Variants in FRAS1 observed in about 807,000 individuals in gnomAD.
FRAS1 encodes the protein Fraser extracellular matrix complex subunit 1.
Under a neutral mutation model 435.2 loss-of-function variants are expected in FRAS1, and 290 were observed. The ratio of observed to expected loss-of-function variants is 0.67; its 90% confidence interval spans 0.61 to 0.73. The LOEUF (loss-of-function observed/expected upper bound fraction) is 0.73. FRAS1 is among the 30% of genes least tolerant of loss of function. FRAS1 has a pLI of 0.00. For missense variants in FRAS1, 4,860 were observed against 5,001.5 expected (o/e 0.97, Z 0.85); for synonymous variants, 1,800 against 1,851.0 (o/e 0.97, Z 0.71).
In FRAS1 at chr4:78,515,845, GC is replaced by G; in HGVS notation, c.10223del (p.Pro3408LeufsTer25). 6.2e-7 allele frequency: 1 copy of G among 1,614,036 alleles called. No homozygotes were observed. On this transcript the variant is annotated frameshift_variant, in exon 66 of 74. Transcript: ENST00000512123. LOFTEE classifies it high-confidence loss of function. ...TGGTCTATGATAGCACTGCCCTGGG[GC>G]CTGGCTACGATCGCCCCTTCCAGTT... is the stretch of plus-strand genomic sequence containing the variant. ...DVVYDSTALG[P>X]GYDRPFQFDP...
At chr4:78,099,757 T>A (rs938654988) in intron 2 of FRAS1, among the ~76,000 whole-genome samples, 3 of 152,108 alleles carry the variant, frequency 2.0e-5, no homozygotes, top group African/African-American at 7.2e-5. Flanking sequence ...GGGAGAGGTA[T>A]GTTGGATATA....
At chr4:78,475,383 G>A (rs1225145575) in intron 53 of FRAS1, 55 bp from the exon 54 acceptor site, 5 of 1,600,942 alleles carry the variant, frequency 3.1e-6, no homozygotes, top group Non-Finnish European at 4.3e-6. Context: ...TAAACAAGTT[G>A]TTTTTTCATA....
chr4:78,340,265 T>G (rs56259967), intron 20 of FRAS1, among the ~76,000 whole-genome samples: 49,640 of 152,018 alleles, frequency 0.33, 8,632 homozygotes, highest in Admixed American at 0.39. Context: ...TCCTGGGAAT[T>G]AGGTGTATTA....
chr4:78,070,295 G>A (rs775305758), intron 2 of FRAS1, among the ~76,000 whole-genome samples: 6 of 151,720 alleles, frequency 4.0e-5, no homozygotes, highest in South Asian at 2.1e-4. Context: ...ACTTTGTATT[G>A]TGTTGTGTTT....
chr4:78,497,347 A>C (rs1720535958), intron 60 of FRAS1, among the ~76,000 whole-genome samples: 2 of 152,008 alleles, frequency 1.3e-5, no homozygotes, highest in South Asian at 4.2e-4. Flanking sequence ...GGAAAAGTCT[A>C]ATTTCTCAGT....
Position 78,507,422 on chromosome 4 carries a change from T to A in FRAS1, c.9318T>A (p.Gly3106=). ...CTTTTTGTTCTGTCCTTGGCGAAGG[T>A]GTGGATCATATCTTTTTTAAAGTTG... is the stretch of plus-strand genomic sequence containing the variant. ...PKSRVLKFSP[G]VDHIFFKVEI... is the part of the protein sequence containing the mutation. The change falls in exon 62 of 74, where the codon GGT becomes GGA. Residue 3106 remains glycine (G), a splice_region_variant and synonymous_variant. Coordinates refer to ENST00000512123, the MANE Select transcript of FRAS1 (RefSeq NM_025074.7). 1 of 1,609,372 alleles carries A rather than the reference T, an allele frequency of 6.2e-7. No individual in the cohort carries two copies. Among genetic ancestry groups the A allele is most frequent in the African/African-American group, 1.3e-5 (1 of 74,806 alleles).
In FRAS1 at chr4:78,393,447, C is replaced by T. The variant is rs1003673534; in HGVS notation, c.3975+5746C>T. Among the ~76,000 whole-genome samples, 34 of 151,998 alleles carry T rather than the reference C, an allele frequency of 2.2e-4. 1 individual carries two copies. Among genetic ancestry groups the T allele is most frequent in the Admixed American group, 2.0e-4 (3 of 15,262 alleles). ...ATCCATCTCCCCGTTTCCCCTTTCT[C>T]CCAGCCCCTTGCAACTGCCATTCTA... On this transcript the variant is annotated intron_variant, in intron 29 of 73. Coordinates refer to ENST00000512123, the MANE Select transcript of FRAS1 (RefSeq NM_025074.7).
At chr4:78,303,097 C>T (rs562679481) in intron 14 of FRAS1, among the ~76,000 whole-genome samples, 195 of 152,194 alleles carry the variant, frequency 1.3e-3, no homozygotes, top group African/African-American at 4.5e-3. Context: ...TTTCCCAGCA[C>T]CATTTATTAA....
chr4:78,091,853 C>T lies in FRAS1; in HGVS notation c.108+25837C>T, dbSNP rs116623865. ...AATATATTTTTAAAAATAAAAAATG[C>T]CTCAGTTTTGAGACTGGGTATAGTA... On this transcript the variant is annotated intron_variant, in intron 2 of 73. Coordinates refer to ENST00000512123, the MANE Select transcript of FRAS1 (RefSeq NM_025074.7). Among the ~76,000 whole-genome samples the T allele has an allele frequency of 3.9e-3, 588 of 151,644 alleles. 3 individuals carry two copies. Among genetic ancestry groups the T allele is most frequent in the Non-Finnish European group, 6.7e-3 (455 of 67,892 alleles).
chr4:78,337,868 G>T (rs904796616), intron 20 of FRAS1, 51 bp downstream of exon 20: 2 of 1,599,944 alleles, frequency 1.3e-6, no homozygotes, highest in South Asian at 1.1e-5. Flanking sequence ...AGCTGCCGGG[G>T]CTCTTCATAC....
At chr4:78,344,601 G>A (rs201432812) in intron 20 of FRAS1, among the ~76,000 whole-genome samples, 1 of 131,382 alleles carries the variant, frequency 7.6e-6, no homozygotes, top group South Asian at 2.2e-4. Flanking sequence ...TTTTTTTTTG[G>A]TTGGTGAATT....
In FRAS1 at chr4:78,400,773, T is replaced by C. The variant is rs1732855662; in HGVS notation, c.4015T>C (p.Trp1339Arg). 1.2e-6 allele frequency: 2 copies of C among 1,613,562 alleles called. No homozygotes were observed. Among genetic ancestry groups the C allele is most frequent in the South Asian group, 1.1e-5 (1 of 90,960 alleles). Residue 1339 changes from tryptophan (W) to arginine (R), a missense_variant, in exon 30 of 74, where the codon TGG (tryptophan) becomes CGG (arginine). Coordinates refer to ENST00000512123, the MANE Select transcript of FRAS1 (RefSeq NM_025074.7). ...TCAGCTTGTGGCTAATTCGATGGTG[T>C]GGGTTCCAGAAGGGGGGATGCTGCA... ...GLQLVANSMVWVPEGGMLQIT... is the reference protein window; with the variant it reads ...GLQLVANSMVRVPEGGMLQIT...
At chr4:78,390,855 G>T (rs972410249) in intron 29 of FRAS1, among the ~76,000 whole-genome samples, 1 of 152,224 alleles carries the variant, frequency 6.6e-6, no homozygotes, top group East Asian at 1.9e-4. Flanking sequence ...GAATGGCCAA[G>T]TGGCTTGTGT....
At chr4:78,335,701 C>A (rs370086920) in intron 19 of FRAS1, among the ~76,000 whole-genome samples, 1 of 152,130 alleles carries the variant, frequency 6.6e-6, no homozygotes, top group Non-Finnish European at 1.5e-5. Context: ...CCACTTTCCC[C>A]GGGCTACAGC....
In FRAS1 at chr4:78,337,811, T is replaced by C; in HGVS notation, c.2416T>C (p.Cys806Arg). ...EEQFLNLVGY[C>R]ADCHHLCQHC... ...GCAGTTCCTCAACCTCGTGGGATAC[T>C]GTGCTGGTGAGTGAAACTCCTGTGG... The change falls in exon 20 of 74, where the codon TGT becomes CGT. Residue 806 changes from cysteine to arginine, a missense_variant. Transcript: ENST00000512123. 1.2e-6 allele frequency: 2 copies of C among 1,613,894 alleles called. No homozygotes were observed. Among genetic ancestry groups the C allele is most frequent in the Non-Finnish European group, 1.7e-6 (2 of 1,179,814 alleles).
chr4:78,307,219 A>T (rs141345092), intron 14 of FRAS1, among the ~76,000 whole-genome samples: 1 of 152,202 alleles, frequency 6.6e-6, no homozygotes, highest in Non-Finnish European at 1.5e-5. Context: ...GCAGTCTGCC[A>T]GTTTTCAGAT....
intron 73 of FRAS1, among the ~76,000 whole-genome samples, chr4:78,540,330 C>G (rs1055207912): frequency 1.3e-5 from 2 of 152,192 alleles, no homozygotes; most frequent in Non-Finnish European, 2.9e-5. Context: ...GAATAGCTGA[C>G]TCAAGATCAT....
intron 4 of FRAS1, among the ~76,000 whole-genome samples, chr4:78,248,878 A>G (rs1725379301): frequency 6.6e-6 from 1 of 151,376 alleles, no homozygotes; most frequent in Non-Finnish European, 1.5e-5. Flanking sequence ...CAGTGTCAAG[A>G]TGTCATGTTT....
chr4:78,536,424 A>G (rs1295373480), intron 71 of FRAS1, among the ~76,000 whole-genome samples: 2 of 152,082 alleles, frequency 1.3e-5, no homozygotes, highest in Non-Finnish European at 2.9e-5. Flanking sequence ...TTGGGTGATT[A>G]ATAAAGTATT....
Sources: allele counts gnomAD v4.1 joint callset (sites outside exome capture counted in the v4.1 genomes callset), GRCh38; gene constraint gnomAD v4.1.1; transcripts MANE v1.5; gene names NCBI Gene and HGNC (gene_info 2026-07-23, HGNC 2026-07-21).